The following HIPK3 variants were observed in gnomAD, a reference collection of about 807,000 sequenced individuals.
HIPK3 encodes homeodomain interacting protein kinase 3, also known as homeodomain-interacting protein kinase 3.
HIPK3 carries 47 observed loss-of-function variants against 124.2 expected under a neutral mutation model. The observed-to-expected ratio is 0.38, with a 90% CI of 0.30 to 0.48. The LOEUF is 0.48. Ranked by LOEUF, HIPK3 falls within the 20% of genes least tolerant of loss-of-function variation. HIPK3 has a pLI of 0.98. For missense variants in HIPK3, 1,286 were observed against 1,454.3 expected (o/e 0.88, Z 1.88); for synonymous variants, 482 against 515.2 (o/e 0.94, Z 0.87).
chr11:33,296,411 ATTAC>A (rs967508909), intron 2 of HIPK3, among the ~76,000 whole-genome samples: 34 of 152,282 alleles, frequency 2.2e-4, no homozygotes, highest in Admixed American at 1.8e-3. Flanking sequence ...GTTCTAGGAT[ATTAC>A]TTCTTTTAGG....
intron 1 of HIPK3, among the ~76,000 whole-genome samples, chr11:33,263,672 A>G (rs1357543490): frequency 6.6e-6 from 1 of 152,170 alleles, no homozygotes; most frequent in East Asian, 1.9e-4. Context: ...AAAAATTGTA[A>G]TAGCTTGAGG....
intron 2 of HIPK3, among the ~76,000 whole-genome samples, chr11:33,291,040 CAAGAGTTAG>C (rs1402344555): frequency 6.6e-6 from 1 of 151,988 alleles, no homozygotes. Context: ...CATTTAGATC[CAAGAGTTAG>C]AAGAGTTAGT....
chr11:33,279,505 T>TA (rs561380728), intron 1 of HIPK3, among the ~76,000 whole-genome samples: 268 of 152,038 alleles, frequency 1.8e-3, no homozygotes, highest in Non-Finnish European at 3.1e-3. Context: ...TTATGTGTAG[T>TA]AAAAAAAGAT....
Position 33,356,551 on chromosome 11 carries a change from A to G in HIPK3, c.*2983A>G, listed in dbSNP as rs1853822390. On this transcript the variant is annotated 3_prime_UTR_variant, in exon 17 of 17. Coordinates refer to ENST00000303296, the MANE Select transcript of HIPK3 (RefSeq NM_005734.5). ...CGTGTTTAATTAAATATGTTACTGT[A>G]TTAGCAAAACATTTTCATTTTTAAA... is the stretch of plus-strand genomic sequence containing the variant. The G allele has an allele frequency of 1.3e-5, 2 of 151,596 alleles. No individual in the cohort carries two copies. The highest frequency in any genetic ancestry group is 4.2e-4 in the South Asian group (2 of 4,814). 9.4% of individuals were successfully genotyped at this position (151,596 alleles called of 1,614,324 possible). A position where few individuals can be genotyped will look rare whatever the true frequency, so the allele number is the denominator to read the frequency against.
At chr11:33,317,892 C>T (rs1449121988) in intron 2 of HIPK3, among the ~76,000 whole-genome samples, 2 of 152,176 alleles carry the variant, frequency 1.3e-5, no homozygotes, top group Non-Finnish European at 2.9e-5. Flanking sequence ...AGCTCATTTC[C>T]TAACTGCCTC....
intron 1 of HIPK3, among the ~76,000 whole-genome samples, chr11:33,262,083 A>T (rs576281972): frequency 1.3e-5 from 2 of 152,220 alleles, no homozygotes; most frequent in Non-Finnish European, 2.9e-5. Flanking sequence ...AGCTGCTTAA[A>T]AATATATATC....
At chr11:33,263,791 C>T (rs1477667655) in intron 1 of HIPK3, among the ~76,000 whole-genome samples, 9 of 152,300 alleles carry the variant, frequency 5.9e-5, no homozygotes, top group Non-Finnish European at 1.5e-5. Context: ...ACCCCTTCCT[C>T]TTTCTGTCTT....
chr11:33,302,167 G>A (rs1251657134), intron 2 of HIPK3, among the ~76,000 whole-genome samples: 1 of 152,044 alleles, frequency 6.6e-6, no homozygotes, highest in Non-Finnish European at 1.5e-5. Context: ...TGATTCCTGT[G>A]TGCCTAGACA....
At chr11:33,257,089 AGTGAG>A, upstream of HIPK3, among the ~76,000 whole-genome samples, 2 of 152,146 alleles carry the variant, frequency 1.3e-5, no homozygotes, top group South Asian at 4.1e-4. Flanking sequence ...GGGGGCATGG[AGTGAG>A]GTTCAGAACA....
At chr11:33,262,011 T>C (rs1387690887) in intron 1 of HIPK3, among the ~76,000 whole-genome samples, 1 of 152,232 alleles carries the variant, frequency 6.6e-6, no homozygotes, top group East Asian at 1.9e-4. Context: ...CGTATGTCTT[T>C]TGAAGAGTGT....
At chr11:33,336,356 A>T (rs1358117876) in intron 3 of HIPK3, among the ~76,000 whole-genome samples, 2 of 152,212 alleles carry the variant, frequency 1.3e-5, no homozygotes, top group Non-Finnish European at 2.9e-5. Flanking sequence ...AGCTGTGTAT[A>T]TATCAGTGTC....
chr11:33,316,847 A>G (rs1212141512), intron 2 of HIPK3, among the ~76,000 whole-genome samples: 1 of 152,146 alleles, frequency 6.6e-6, no homozygotes, highest in Non-Finnish European at 1.5e-5. Context: ...AACCCAGAAA[A>G]TTGTTCCTTA....
chr11:33,319,319 A>G (rs1235600303), intron 2 of HIPK3, among the ~76,000 whole-genome samples: 1 of 152,106 alleles, frequency 6.6e-6, no homozygotes, highest in Non-Finnish European at 1.5e-5. Flanking sequence ...ATATTGTGAA[A>G]CCCCATCTCT....
At chr11:33,257,936 C>T in intron 1 of HIPK3, 47 bp downstream of exon 1, 2 of 985,394 alleles carry the variant, frequency 2.0e-6, no homozygotes, top group Non-Finnish European at 2.4e-6. Flanking sequence ...GTGGGGGGAT[C>T]GGCTCCGTCT....
intron 1 of HIPK3, among the ~76,000 whole-genome samples, chr11:33,260,135 C>T (rs1850784345): frequency 6.6e-6 from 1 of 152,094 alleles, no homozygotes; most frequent in African/African-American, 2.4e-5. Flanking sequence ...GATACTTCTT[C>T]TTGTAAACAT....
At chr11:33,324,020 A>G (rs1852739587) in intron 2 of HIPK3, among the ~76,000 whole-genome samples, 1 of 152,238 alleles carries the variant, frequency 6.6e-6, no homozygotes. Flanking sequence ...TGCCCAGAGG[A>G]TAAGAGTTAA....
intron 1 of HIPK3, among the ~76,000 whole-genome samples, chr11:33,272,136 G>T (rs1038215988): frequency 2.6e-5 from 4 of 152,174 alleles, no homozygotes; most frequent in African/African-American, 9.6e-5. Context: ...AGTGGCTCAC[G>T]CCTGTAATCC....
At chr11:33,277,542 A>G (rs1851304802) in intron 1 of HIPK3, among the ~76,000 whole-genome samples, 2 of 152,234 alleles carry the variant, frequency 1.3e-5, no homozygotes, top group South Asian at 4.1e-4. Context: ...CTTGTACTGC[A>G]TGCTTTGTAT....
intron 2 of HIPK3, among the ~76,000 whole-genome samples, chr11:33,311,773 T>A (rs1852344113): frequency 6.6e-6 from 1 of 151,318 alleles, no homozygotes; most frequent in South Asian, 2.1e-4. Context: ...TTTGGGAGGC[T>A]GAGGCAGGAG....
Sources: gnomAD v4.1 joint callset for allele counts (sites outside exome capture counted in the v4.1 genomes callset) on GRCh38, gnomAD v4.1.1 for gene constraint, MANE v1.5 for transcripts, NCBI Gene and HGNC (gene_info 2026-07-23, HGNC 2026-07-21) for gene names.